SRFBP1: variants seen among roughly 807,000 people sequenced by gnomAD.
SRFBP1 encodes serum response factor binding protein 1.
Under a neutral mutation model 45.5 loss-of-function variants are expected in SRFBP1, and 47 were observed. That is an observed-to-expected ratio of 1.03 (90% confidence interval 0.82 to 1.32). The LOEUF is 1.32. SRFBP1 is among the 40% of genes most tolerant of loss of function. The pLI, the probability that SRFBP1 is intolerant of heterozygous loss-of-function variation, is 0.00. For synonymous variants in SRFBP1, 203 were observed against 166.3 expected (o/e 1.22, Z -1.70); for missense variants, 621 against 484.6 (o/e 1.28, Z -2.64).
At chr5:122,066,663 A>T in intron 2 of SRFBP1, 1 of 1,125,488 alleles carries the variant, frequency 8.9e-7, no homozygotes, top group South Asian at 1.3e-5. Flanking sequence ...AAATACATAA[A>T]TCCTACTGAA....
chr5:122,044,442 T>C (rs1214265557), intron 2 of SRFBP1, among the ~76,000 whole-genome samples: 1 of 152,194 alleles, frequency 6.6e-6, no homozygotes, highest in Non-Finnish European at 1.5e-5. Flanking sequence ...CTTTCCACAA[T>C]GGCTGAACTA....
At chr5:122,026,062 C>T (rs112930157) in intron 7 of SRFBP1, among the ~76,000 whole-genome samples, 1,696 of 152,296 alleles carry the variant, frequency 0.011, 41 homozygotes, top group African/African-American at 0.039. Flanking sequence ...TGCTCTCCAT[C>T]CTGGGCAACA....
At chr5:121,986,126 G>T (rs142908278) in intron 3 of SRFBP1, among the ~76,000 whole-genome samples, 106 of 151,988 alleles carry the variant, frequency 7.0e-4, no homozygotes, top group African/African-American at 2.3e-3. Flanking sequence ...AGAAGAGAAA[G>T]AACTAGCAAA....
downstream of SRFBP1, chr5:122,077,890 C>T (rs1754690412): frequency 6.5e-7 from 1 of 1,533,280 alleles, no homozygotes; most frequent in Non-Finnish European, 8.7e-7. This position sits in a 1 kb window ranked among gnomAD's most constrained non-coding sequence, Gnocchi z 4.9. Context: ...GCGGCTCGCG[C>T]GGGGGCTGCT....
rs372218467 is a variant in SRFBP1 at position 122,069,423 on chromosome 5, C to A, written n.312-5892C>A. ...CAGGCATGCAGTCAAACCTACCCAA[C>A]CTTTTTTCATTATTTTCATCAGAGC... is the stretch of plus-strand genomic sequence containing the variant. On this transcript the variant is annotated intron_variant and non_coding_transcript_variant, in intron 2 of 2. Coordinates refer to the SRFBP1 transcript ENST00000504881. 2.0e-4 allele frequency among the ~76,000 whole-genome samples: 31 copies of A among 152,188 alleles called. No individual in the cohort carries two copies. In the East Asian group the frequency reaches 5.6e-3, roughly 28 times the overall value.
intron 1 of SRFBP1, among the ~76,000 whole-genome samples, chr5:121,973,622 G>T (rs117170046): frequency 6.8e-6 from 1 of 146,264 alleles, no homozygotes; most frequent in Non-Finnish European, 1.5e-5. Flanking sequence ...GTGTGGGGGG[G>T]GGGCATGTAT....
downstream of SRFBP1, chr5:122,076,056 A>G (rs1397696757): frequency 2.6e-5 from 4 of 152,286 alleles, no homozygotes; most frequent in African/African-American, 9.6e-5. Flanking sequence ...TCACTATCCC[A>G]AAACAATGGC....
At chr5:122,041,843 A>G (rs1404211194) in intron 2 of SRFBP1, among the ~76,000 whole-genome samples, 3 of 152,198 alleles carry the variant, frequency 2.0e-5, no homozygotes, top group South Asian at 4.1e-4. Flanking sequence ...AGTAAAACAT[A>G]CAATAATAGC....
downstream of SRFBP1, chr5:122,076,033 T>A (rs1369626575): frequency 6.6e-6 from 1 of 152,276 alleles, no homozygotes; most frequent in Non-Finnish European, 1.5e-5. Flanking sequence ...TTTAAATTAA[T>A]AATTTTGTAA....
chr5:122,022,291 C>A, intron 6 of SRFBP1, 79 bp from the exon 7 acceptor site: 2 of 1,243,664 alleles, frequency 1.6e-6, no homozygotes, highest in South Asian at 2.7e-5. Flanking sequence ...TTAGTTTTAT[C>A]ATCAATTTTG....
intron 2 of SRFBP1, among the ~76,000 whole-genome samples, chr5:122,071,913 G>T (rs574032099): frequency 2.6e-5 from 4 of 152,250 alleles, no homozygotes; most frequent in Admixed American, 6.5e-5. Context: ...CAACTCAGAA[G>T]GGTCAGTGTC....
At chr5:122,072,253 C>G (rs1754472366) in intron 2 of SRFBP1, among the ~76,000 whole-genome samples, 1 of 152,074 alleles carries the variant, frequency 6.6e-6, no homozygotes, top group African/African-American at 2.4e-5. Context: ...CATAAGCTGG[C>G]AGAACTTAAG....
At chr5:121,970,112 A>T (rs540098972) in intron 1 of SRFBP1, among the ~76,000 whole-genome samples, 1 of 152,182 alleles carries the variant, frequency 6.6e-6, no homozygotes, top group African/African-American at 2.4e-5. Flanking sequence ...GTGACAAATA[A>T]ATTGGCAGCC....
At chr5:121,990,609 GTTTC>G (rs1290335424) in intron 3 of SRFBP1, among the ~76,000 whole-genome samples, 1 of 152,104 alleles carries the variant, frequency 6.6e-6, no homozygotes, top group East Asian at 1.9e-4. Context: ...CATTTAAAAT[GTTTC>G]TACTCTGGTC....
chr5:122,059,607 A>G (rs763797120), intron 2 of SRFBP1, among the ~76,000 whole-genome samples: 11 of 152,216 alleles, frequency 7.2e-5, no homozygotes, highest in Middle Eastern at 6.8e-3. Context: ...ATAGCTGACT[A>G]CTTGTTACTC....
chr5:122,077,891 G>C (rs780762236), downstream of SRFBP1: 27 of 1,527,574 alleles, frequency 1.8e-5, no homozygotes, highest in Non-Finnish European at 2.4e-5. The surrounding 1 kb of genome is among the most constrained non-coding windows in gnomAD (Gnocchi z 4.9). Flanking sequence ...CGGCTCGCGC[G>C]GGGGCTGCTG....
chr5:122,077,730 G>C (rs1283957294), downstream of SRFBP1: 1 of 1,576,882 alleles, frequency 6.3e-7, no homozygotes, highest in Non-Finnish European at 8.6e-7. This position sits in a 1 kb window ranked among gnomAD's most constrained non-coding sequence, Gnocchi z 4.9. Context: ...GTGCGGGGCT[G>C]CTGGGCGGAG....
chr5:121,965,327 G>C (rs916114938), intron 1 of SRFBP1, among the ~76,000 whole-genome samples: 1 of 152,000 alleles, frequency 6.6e-6, no homozygotes, highest in African/African-American at 2.4e-5. Flanking sequence ...TTTTAGGTCT[G>C]ACGTTTAAGT....
At chr5:122,072,328 G>T (rs184119173) in intron 2 of SRFBP1, among the ~76,000 whole-genome samples, 2 of 152,200 alleles carry the variant, frequency 1.3e-5, no homozygotes, top group Non-Finnish European at 2.9e-5. Context: ...GGCATTTCAT[G>T]TAGGCAAAGT....
Sources: allele counts gnomAD v4.1 joint callset (sites outside exome capture counted in the v4.1 genomes callset), GRCh38; gene constraint gnomAD v4.1.1; non-coding constraint Gnocchi (gnomAD v3.1); transcripts MANE v1.5; gene names NCBI Gene and HGNC (gene_info 2026-07-23, HGNC 2026-07-21).